The following GLB1L3 variants were observed in gnomAD, a reference collection of about 807,000 sequenced individuals.
The protein encoded by GLB1L3 is beta-galactosidase-1-like protein 3.
Under a neutral mutation model 89.5 loss-of-function variants are expected in GLB1L3, and 89 were observed. The ratio of observed to expected loss-of-function variants is 0.99; its 90% CI spans 0.84 to 1.19. GLB1L3 has a LOEUF of 1.19. Among genes scored for constraint, GLB1L3 ranks in the 50% most tolerant of loss-of-function variants. The pLI, the probability that GLB1L3 is intolerant of heterozygous loss-of-function variation, is 0.00. For synonymous variants in GLB1L3, 314 were observed against 312.3 expected, an observed-to-expected ratio of 1.01 and a Z score of -0.06; for missense variants, 812 against 813.3, an observed-to-expected ratio of 1.00 and a Z score of 0.02.
Position 134,309,746 on chromosome 11 carries a change from G to T in GLB1L3, c.1082G>T (p.Gly361Val). ...GCCACATATTTCGGGAAGCACTCGG[G>T]CATTGTCACCAGCTATGGCAAGTGT... is the stretch of plus-strand genomic sequence containing the variant. ...NGATYFGKHSGIVTSYDYDAV... is the reference protein window; with the variant it reads ...NGATYFGKHSVIVTSYDYDAV... Residue 361 changes from glycine to valine, a missense_variant, in exon 11 of 20, where the codon GGC (glycine) becomes GTC (valine). Around this residue, in one of 3 missense-constraint regions of GLB1L3, gnomAD observed 618 missense variants for 604.0 expected, o/e 1.02. Transcript: ENST00000431683. The T allele has an allele frequency of 1.2e-6, 2 of 1,613,268 alleles. No homozygotes were observed. The highest frequency in any genetic ancestry group is 1.7e-6 in the Non-Finnish European group (2 of 1,179,596).
chr11:134,307,083 G>C (rs758221780), intron 9 of GLB1L3, 41 bp from the exon 10 acceptor site: 1 of 1,494,996 alleles, frequency 6.7e-7, no homozygotes, highest in Non-Finnish European at 9.2e-7. Context: ...TTTCTTTTTT[G>C]TTTTTTGCCA....
chr11:134,314,361 G>A lies in GLB1L3; in HGVS notation c.1699G>A (p.Asp567Asn). Reference sequence around the variant, plus strand: ...CTCTGCCACCTGGAAGCCTGTCCCAGACAGCCACCAGGGCCCGGCCTTCTA... The same window carrying A: ...CTCTGCCACCTGGAAGCCTGTCCCAAACAGCCACCAGGGCCCGGCCTTCTA... ...LRSATWKPVPDSHQGPAFYCG... is the reference protein window; with the variant it reads ...LRSATWKPVPNSHQGPAFYCG... The change falls in exon 18 of 20, where the codon GAC becomes AAC. Residue 567 changes from aspartate (D) to asparagine (N), a missense_variant. Physicochemically the swap from Asp to Asn is conservative, Grantham distance 23. Transcript: ENST00000431683. The A allele has an allele frequency of 1.3e-6, 2 of 1,551,240 alleles. No homozygotes were observed. Among genetic ancestry groups the A allele is most frequent in the Non-Finnish European group, 8.7e-7 (1 of 1,146,856 alleles).
At chr11:134,324,364 C>T (rs1010460955), downstream of GLB1L3, among the ~76,000 whole-genome samples, 3 of 152,100 alleles carry the variant, frequency 2.0e-5, no homozygotes, top group Non-Finnish European at 4.4e-5. Context: ...CTTTGTACCT[C>T]GAAGTCATAA....
intron 10 of GLB1L3, among the ~76,000 whole-genome samples, chr11:134,308,806 C>T (rs1227349740): frequency 6.6e-6 from 1 of 152,174 alleles, no homozygotes; most frequent in Non-Finnish European, 1.5e-5. Context: ...GGAATTAATA[C>T]ATTCATTTAA....
intron 12 of GLB1L3, 48 bp downstream of exon 12, chr11:134,310,699 T>C: frequency 7.0e-7 from 1 of 1,422,364 alleles, no homozygotes; most frequent in Non-Finnish European, 9.9e-7. Context: ...TCATGTGGAG[T>C]CTCTGTTCTG....
At position 134,288,803 on chromosome 11, in the gene GLB1L3, C is replaced by G; in HGVS notation, c.642C>G (p.Arg214=). The part of the protein sequence containing the change: ...LIPRVIPLQY[R]QAGPVIAVQV... Reference sequence around the variant, plus strand: ...CTCCTATGCTTGTTTCTCAGTACCGCCAGGCAGGCCCTGTCATCGCGGTGC... The same window carrying G: ...CTCCTATGCTTGTTTCTCAGTACCGGCAGGCAGGCCCTGTCATCGCGGTGC... The change falls in exon 7 of 20, where the codon CGC becomes CGG. Residue 214 remains arginine (R), a synonymous_variant. Transcript: ENST00000431683. 4 of 1,612,460 alleles carry G rather than the reference C, an allele frequency of 2.5e-6. No individual in the cohort carries two copies. The highest frequency in any genetic ancestry group is 3.4e-6 in the Non-Finnish European group (4 of 1,179,100).
At chr11:134,288,564 C>G (rs959046) in intron 6 of GLB1L3, among the ~76,000 whole-genome samples, 89,018 of 152,010 alleles carry the variant, frequency 0.59, 26,334 homozygotes, top group Admixed American at 0.67. Flanking sequence ...AGTGTGAGAA[C>G]CAGAGGGAAA....
At chr11:134,308,820 A>T (rs1349219843) in intron 10 of GLB1L3, among the ~76,000 whole-genome samples, 1 of 152,224 alleles carries the variant, frequency 6.6e-6, no homozygotes, top group African/African-American at 2.4e-5. Context: ...CATTTAACAG[A>T]TCAGGAAGCA....
chr11:134,287,700 C>T (rs761629028), intron 6 of GLB1L3, among the ~76,000 whole-genome samples: 9 of 152,244 alleles, frequency 5.9e-5, no homozygotes, highest in Non-Finnish European at 1.2e-4. Flanking sequence ...GTGTACCAGG[C>T]ACAGCGGAGA....
At chr11:134,308,637 A>AC (rs1565414813) in intron 10 of GLB1L3, among the ~76,000 whole-genome samples, 1 of 76,358 alleles carries the variant, frequency 1.3e-5, no homozygotes, top group Non-Finnish European at 2.8e-5. Context: ...ATCACCATCA[A>AC]CACCATCACC....
At chr11:134,319,814 T>A (rs1943140030), downstream of GLB1L3, among the ~76,000 whole-genome samples, 1 of 152,016 alleles carries the variant, frequency 6.6e-6, no homozygotes, top group Non-Finnish European at 1.5e-5. Flanking sequence ...ATGAACAATG[T>A]CTTTCATTTC....
In GLB1L3 at chr11:134,319,363, AAAT is replaced by A. The variant is rs1341635054; in HGVS notation, c.*424_*426del. ...GTTGCCTACAATAGCAAAAATGTGA[AAAT>A]AACAACAACAACAAAACAGCAGAGG... On this transcript the variant is annotated 3_prime_UTR_variant, in exon 20 of 20. Transcript: ENST00000431683. 1 of 160,530 alleles carries A rather than the reference AAAT, an allele frequency of 6.2e-6. No individual in the cohort carries two copies. The highest frequency in any genetic ancestry group is 2.4e-5 in the African/African-American group (1 of 41,548). The allele number at this position is 160,530 out of a possible 1,614,324, so 9.9% of individuals were successfully genotyped here. A position where few individuals can be genotyped will look rare whatever the true frequency, so the allele number is the denominator to read the frequency against.
chr11:134,316,751 T>A (rs2136234958), intron 18 of GLB1L3: 1 of 152,334 alleles, frequency 6.6e-6, no homozygotes, highest in African/African-American at 2.4e-5. Context: ...AATTATAAAA[T>A]ACCTACTCTT....
At chr11:134,276,813 C>T (rs1238910891) in intron 1 of GLB1L3, 50 bp downstream of exon 1, 3 of 1,352,140 alleles carry the variant, frequency 2.2e-6, no homozygotes, top group Admixed American at 3.2e-5. Flanking sequence ...CCGGCGCGTG[C>T]CCGGGAGCCT....
At chr11:134,286,660 C>T (rs896087879) in intron 6 of GLB1L3, among the ~76,000 whole-genome samples, 2 of 150,532 alleles carry the variant, frequency 1.3e-5, no homozygotes, top group African/African-American at 4.9e-5. Context: ...GCCTGTAGTC[C>T]CAGCTACTCG....
intron 9 of GLB1L3, among the ~76,000 whole-genome samples, chr11:134,301,078 C>T (rs1941925532): frequency 6.6e-6 from 1 of 152,218 alleles, no homozygotes; most frequent in South Asian, 2.1e-4. Context: ...CTGGCCCACA[C>T]TGTCTTCAGC....
chr11:134,323,594 C>G (rs141780556), downstream of GLB1L3, among the ~76,000 whole-genome samples: 260 of 152,040 alleles, frequency 1.7e-3, 2 homozygotes, highest in African/African-American at 6.0e-3. Flanking sequence ...AAAGTAATCT[C>G]TTAAATTGTA....
chr11:134,285,675 G>A (rs1194376598), intron 6 of GLB1L3, among the ~76,000 whole-genome samples: 8 of 152,092 alleles, frequency 5.3e-5, no homozygotes, highest in African/African-American at 1.2e-4. Context: ...CCAACTACTC[G>A]GGAAGCTAAG....
intron 9 of GLB1L3, among the ~76,000 whole-genome samples, chr11:134,301,155 G>A (rs1941930378): frequency 6.6e-6 from 1 of 152,176 alleles, no homozygotes; most frequent in Non-Finnish European, 1.5e-5. Context: ...AGTGGCTTGG[G>A]TCCAGCTTCT....
Sources: allele counts gnomAD v4.1 joint callset (sites outside exome capture counted in the v4.1 genomes callset), GRCh38; gene constraint gnomAD v4.1.1; regional missense constraint gnomAD v4.1.1; transcripts MANE v1.5; gene names NCBI Gene and HGNC (gene_info 2026-07-23, HGNC 2026-07-21).